The following VPS41 variants were observed in gnomAD, a reference collection of about 807,000 sequenced individuals.
VPS41 encodes the protein vacuolar protein sorting-associated protein 41 homolog.
A neutral mutation model predicts 130.9 loss-of-function variants in VPS41; 85 were observed. The observed-to-expected ratio is 0.65, with a 90% CI of 0.55 to 0.78. The LOEUF is 0.78. Among genes scored for constraint, VPS41 ranks in the 30% least tolerant of loss-of-function variants. VPS41 has a pLI of 0.00. For missense variants in VPS41, 874 were observed against 1,018.7 expected (o/e 0.86, Z 1.93); for synonymous variants, 335 against 332.9 (o/e 1.01, Z -0.07).
chr7:38,886,518 G>A (rs1283439771), intron 2 of VPS41, among the ~76,000 whole-genome samples: 1 of 152,218 alleles, frequency 6.6e-6, no homozygotes, highest in African/African-American at 2.4e-5. Context: ...TGGCAGGGAA[G>A]CTCAAACTGG....
chr7:38,780,574 G>A (rs1178995814), intron 10 of VPS41, among the ~76,000 whole-genome samples: 1 of 152,194 alleles, frequency 6.6e-6, no homozygotes, highest in Admixed American at 6.5e-5. Flanking sequence ...GAATGAGGAT[G>A]AGATGAATAC....
At chr7:38,865,702 C>A (rs1021914295) in intron 3 of VPS41, among the ~76,000 whole-genome samples, 1 of 152,138 alleles carries the variant, frequency 6.6e-6, no homozygotes, top group Admixed American at 6.5e-5. Flanking sequence ...CTACAACTTG[C>A]TCAAAGGCAC....
chr7:38,742,199 A>G, intron 24 of VPS41, 78 bp from the exon 25 acceptor site: 1 of 1,377,834 alleles, frequency 7.3e-7, no homozygotes, highest in African/African-American at 1.5e-5. Flanking sequence ...TTTGCATATA[A>G]TGCAATTTTA....
intron 15 of VPS41, among the ~76,000 whole-genome samples, chr7:38,766,593 C>A (rs139583535): frequency 6.6e-6 from 1 of 152,122 alleles, no homozygotes; most frequent in Admixed American, 6.5e-5. Flanking sequence ...AGGGTTTGGC[C>A]GTGTCCCCAC....
chr7:38,832,232 T>C (rs139407025), intron 4 of VPS41, among the ~76,000 whole-genome samples: 2,607 of 152,044 alleles, frequency 0.017, 37 homozygotes, highest in Middle Eastern at 0.051. Flanking sequence ...ATATTGTATA[T>C]ACAGTCTCCT....
At chr7:38,732,312 G>A (rs1034078026) in intron 25 of VPS41, among the ~76,000 whole-genome samples, 1 of 152,178 alleles carries the variant, frequency 6.6e-6, no homozygotes, top group African/African-American at 2.4e-5. Context: ...ATACCTAGGA[G>A]TGAAATTCCT....
chr7:38,861,311 T>C (rs891294104), intron 4 of VPS41, among the ~76,000 whole-genome samples: 3 of 152,100 alleles, frequency 2.0e-5, no homozygotes, highest in Admixed American at 2.0e-4. Flanking sequence ...GTCAATCTTT[T>C]TTAAAGGTGA....
intron 4 of VPS41, among the ~76,000 whole-genome samples, chr7:38,836,223 T>C (rs570332681): frequency 1.3e-5 from 2 of 152,212 alleles, no homozygotes; most frequent in African/African-American, 2.4e-5. Flanking sequence ...AACAATTAGA[T>C]GCTGTTGATC....
intron 4 of VPS41, among the ~76,000 whole-genome samples, chr7:38,854,062 A>T (rs1257364571): frequency 6.6e-6 from 1 of 152,220 alleles, no homozygotes; most frequent in Admixed American, 6.5e-5. Context: ...CCTTGGCATC[A>T]TTTATCAGAA....
chr7:38,760,831 A>C, intron 17 of VPS41, among the ~76,000 whole-genome samples: 1 of 152,280 alleles, frequency 6.6e-6, no homozygotes, highest in African/African-American at 2.4e-5. Context: ...GAATTTGTTT[A>C]AATAATACTT....
intron 4 of VPS41, among the ~76,000 whole-genome samples, chr7:38,843,229 C>T (rs1785648280): frequency 6.6e-6 from 1 of 152,164 alleles, no homozygotes; most frequent in Non-Finnish European, 1.5e-5. Flanking sequence ...GTTTTCAATA[C>T]TCAACTGAAA....
intron 1 of VPS41, among the ~76,000 whole-genome samples, chr7:38,902,195 C>G (rs1031998720): frequency 1.3e-5 from 2 of 152,164 alleles, no homozygotes; most frequent in Non-Finnish European, 2.9e-5. Flanking sequence ...AAGCACAGAC[C>G]AGACGGCCAC....
intron 9 of VPS41, among the ~76,000 whole-genome samples, chr7:38,790,159 G>T (rs867951612): frequency 6.6e-6 from 1 of 152,086 alleles, no homozygotes; most frequent in East Asian, 1.9e-4. Context: ...AGTGATCAGG[G>T]ATTTTTCCTT....
intron 4 of VPS41, among the ~76,000 whole-genome samples, chr7:38,831,497 A>C (rs1785386713): frequency 6.6e-6 from 1 of 152,244 alleles, no homozygotes; most frequent in African/African-American, 2.4e-5. Context: ...CAGAAAACTG[A>C]GATCCAATAA....
At chr7:38,828,527 T>A (rs191487315) in intron 5 of VPS41, among the ~76,000 whole-genome samples, 1 of 152,310 alleles carries the variant, frequency 6.6e-6, no homozygotes, top group Admixed American at 6.5e-5. Flanking sequence ...ATATCTGGAA[T>A]GTGTTTGTGT....
At chr7:38,752,371 T>G in intron 21 of VPS41, 58 bp from the exon 22 acceptor site, 1 of 1,601,786 alleles carries the variant, frequency 6.2e-7, no homozygotes, top group Non-Finnish European at 8.5e-7. Context: ...AATACCTGGC[T>G]AACATTGCTA....
chr7:38,900,598 A>C (rs1346012916), intron 1 of VPS41, among the ~76,000 whole-genome samples: 1 of 152,206 alleles, frequency 6.6e-6, no homozygotes, highest in Non-Finnish European at 1.5e-5. Flanking sequence ...ACTCAAAATC[A>C]AATTACACTC....
intron 7 of VPS41, among the ~76,000 whole-genome samples, chr7:38,811,686 G>C (rs1042984488): frequency 6.6e-6 from 1 of 151,514 alleles, no homozygotes; most frequent in African/African-American, 2.4e-5. Context: ...TGTAGTAAGT[G>C]GAAATAATTT....
chr7:38,755,370 C>T (rs1283564336), intron 19 of VPS41, among the ~76,000 whole-genome samples: 1 of 152,150 alleles, frequency 6.6e-6, no homozygotes, highest in African/African-American at 2.4e-5. Flanking sequence ...ACTCCACAGA[C>T]AGAAGGAGCT....
Sources: gnomAD v4.1 joint callset for allele counts (sites outside exome capture counted in the v4.1 genomes callset) on GRCh38, gnomAD v4.1.1 for gene constraint, MANE v1.5 for transcripts, NCBI Gene and HGNC (gene_info 2026-07-23, HGNC 2026-07-21) for gene names.